OSBPL6: variants seen among roughly 807,000 people sequenced by gnomAD.
OSBPL6 encodes oxysterol-binding protein-related protein 6.
Under a neutral mutation model 125.8 loss-of-function variants are expected in OSBPL6, and 49 were observed. The ratio of observed to expected loss-of-function variants is 0.39; its 90% CI spans 0.31 to 0.49. OSBPL6 has a LOEUF of 0.49. Ranked by LOEUF, OSBPL6 falls within the 20% of genes least tolerant of loss-of-function variation. OSBPL6 has a pLI of 0.88. For missense variants in OSBPL6, 986 were observed against 1,135.4 expected, an observed-to-expected ratio of 0.87 and a Z score of 1.89; for synonymous variants, 394 against 391.8, an observed-to-expected ratio of 1.01 and a Z score of -0.07.
At chr2:178,225,302 A>C (rs1207331365) in intron 1 of OSBPL6, among the ~76,000 whole-genome samples, 1 of 152,144 alleles carries the variant, frequency 6.6e-6, no homozygotes, top group Non-Finnish European at 1.5e-5. Flanking sequence ...CACTGCTGAA[A>C]TACTCAGAAC....
intron 20 of OSBPL6, among the ~76,000 whole-genome samples, chr2:178,387,498 A>G (rs1016071367): frequency 6.6e-6 from 1 of 152,204 alleles, no homozygotes; most frequent in Non-Finnish European, 1.5e-5. Context: ...GGAGTATTTT[A>G]TCAAAGAAGA....
chr2:178,281,256 G>A (rs1225804149), intron 1 of OSBPL6, among the ~76,000 whole-genome samples: 10 of 152,040 alleles, frequency 6.6e-5, no homozygotes, highest in South Asian at 2.1e-4. Context: ...CAGGTGATCC[G>A]CCTGCCTCGG....
chr2:178,400,998 AT>A lies in OSBPL6; in HGVS notation c.*5442del, dbSNP rs1559341950. ...TTTCCCCCAAAAATGAAAAAAAATT[AT>A]TTAAAAAATTTAGATTTGAAATGCT... On this transcript the variant is annotated 3_prime_UTR_variant, in exon 25 of 25. Transcript: ENST00000190611. 1 of 152,228 alleles carries A rather than the reference AT, an allele frequency of 6.6e-6. No homozygotes were observed. The highest frequency in any genetic ancestry group is 1.5e-5 in the Non-Finnish European group (1 of 68,026). The allele number at this position is 152,228 out of a possible 1,614,324, so 9.4% of individuals were successfully genotyped here.
chr2:178,373,891 C>G lies in OSBPL6; in HGVS notation c.1397C>G (p.Ala466Gly), dbSNP rs781773386. ...ACTGTATGCTTCTGTCTTCTGCAGGCTGGTGAGCAAATCCATGTCAGTCTC... is the reference window on the plus strand; with the variant it reads ...ACTGTATGCTTCTGTCTTCTGCAGGGTGGTGAGCAAATCCATGTCAGTCTC... ...SVNIIPSPDEAGEQIHVSLPL... is the reference protein window; with the variant it reads ...SVNIIPSPDEGGEQIHVSLPL... The change falls in exon 15 of 25, where the codon GCT becomes GGT. Residue 466 changes from alanine to glycine, a missense_variant and splice_region_variant. Transcript: ENST00000190611. The G allele has an allele frequency of 1.2e-6, 2 of 1,613,978 alleles. No homozygotes were observed. Among genetic ancestry groups the G allele is most frequent in the South Asian group, 2.2e-5 (2 of 91,052 alleles).
At chr2:178,356,488 A>G (rs547177712) in intron 12 of OSBPL6, among the ~76,000 whole-genome samples, 1 of 152,322 alleles carries the variant, frequency 6.6e-6, no homozygotes. Context: ...CCCATTCACA[A>G]TTGCTTCAAA....
intron 19 of OSBPL6, among the ~76,000 whole-genome samples, chr2:178,385,858 G>T (rs76786892): frequency 0.052 from 7,910 of 152,110 alleles, 325 homozygotes; most frequent in East Asian, 0.19. Context: ...TTGGTTCTTC[G>T]GGGTGTGCAA....
intron 1 of OSBPL6, among the ~76,000 whole-genome samples, chr2:178,277,364 G>A (rs759382515): frequency 1.3e-5 from 2 of 152,072 alleles, no homozygotes; most frequent in Non-Finnish European, 2.9e-5. Context: ...ATTTTTGTCA[G>A]CATTAACAAT....
intron 10 of OSBPL6, 81 bp downstream of exon 10, chr2:178,339,175 G>A: frequency 2.6e-6 from 2 of 771,560 alleles, no homozygotes; most frequent in Non-Finnish European, 2.0e-6. Flanking sequence ...GAATATATAA[G>A]GTAACATTTA....
Position 178,318,026 on chromosome 2 carries a change from T to G in OSBPL6, c.103-6151T>G, listed in dbSNP as rs1256992049. Among the ~76,000 whole-genome samples the G allele has an allele frequency of 2.0e-5, 3 of 152,204 alleles. No homozygotes were observed. In the East Asian group the frequency reaches 5.8e-4, roughly 29 times the overall value. ...GCTGTGGTTTCCTCTGATTTAGTTATGCTGTTGAGTGTTATGAGTACAGAA... is the reference window on the plus strand; with the variant it reads ...GCTGTGGTTTCCTCTGATTTAGTTAGGCTGTTGAGTGTTATGAGTACAGAA... On this transcript the variant is annotated intron_variant, in intron 3 of 24. Transcript: ENST00000190611.
chr2:178,198,716 T>C (rs886508646), intron 1 of OSBPL6, among the ~76,000 whole-genome samples: 10 of 152,100 alleles, frequency 6.6e-5, no homozygotes, highest in Admixed American at 6.5e-4. Flanking sequence ...TTATCTGTAA[T>C]GTGGACGTAC....
At position 178,209,677 on chromosome 2, in the gene OSBPL6, AT is replaced by A. The variant is rs927601786; in HGVS notation, c.-351+15006del. On this transcript the variant is annotated intron_variant, in intron 1 of 24. Coordinates refer to ENST00000190611, the MANE Select transcript of OSBPL6 (RefSeq NM_032523.4). ...TAAGAGTGAGTCCCCAAGGGAGCTG[AT>A]TTGAGAGCTTCAAGCACTCAAGTGG... Among the ~76,000 whole-genome samples, 94 of 151,958 alleles carry A rather than the reference AT, an allele frequency of 6.2e-4. 1 individual carries two copies. Among genetic ancestry groups the A allele is most frequent in the African/African-American group, 2.1e-3 (89 of 41,500 alleles).
chr2:178,304,056 T>G (rs1323845626), intron 2 of OSBPL6, among the ~76,000 whole-genome samples: 1 of 152,200 alleles, frequency 6.6e-6, no homozygotes, highest in Non-Finnish European at 1.5e-5. Flanking sequence ...GAACATAAAT[T>G]TCTTTCTCAC....
intron 10 of OSBPL6, among the ~76,000 whole-genome samples, 182 bp downstream of exon 10, chr2:178,339,276 A>G (rs1187007610): frequency 6.6e-6 from 1 of 151,286 alleles, no homozygotes; most frequent in Non-Finnish European, 1.5e-5. Flanking sequence ...TAAGATGATT[A>G]TTTTAAAACA....
chr2:178,265,926 A>G lies in OSBPL6; in HGVS notation c.-350-19001A>G, dbSNP rs1448070104. ...AAATCACAGAAATCTCTAATTGCAA[A>G]CTGTGATAAATGCTGAAACAAAAAT... On this transcript the variant is annotated intron_variant, in intron 1 of 24. Coordinates refer to ENST00000190611, the MANE Select transcript of OSBPL6 (RefSeq NM_032523.4). Among the ~76,000 whole-genome samples the G allele has an allele frequency of 6.6e-5, 10 of 152,194 alleles. No homozygotes were observed. The East Asian group carries it at 1.7e-3, about 26-fold the overall frequency.
intron 1 of OSBPL6, among the ~76,000 whole-genome samples, chr2:178,235,398 CTTTTTTTTTTTTTT>C (rs540269327): frequency 1.0e-4 from 8 of 78,040 alleles, no homozygotes; most frequent in Non-Finnish European, 1.5e-4. Context: ...CTTTTCTTTT[CTTTTTTTTTTTTTT>C]TTTTTTTTTT....
intron 3 of OSBPL6, among the ~76,000 whole-genome samples, chr2:178,311,890 T>C (rs1659333262): frequency 6.6e-6 from 1 of 152,056 alleles, no homozygotes; most frequent in South Asian, 2.1e-4. Flanking sequence ...AAGCAGAGAG[T>C]TGGGAGCATT....
At chr2:178,265,110 G>A (rs1374776524) in intron 1 of OSBPL6, among the ~76,000 whole-genome samples, 1 of 143,444 alleles carries the variant, frequency 7.0e-6, no homozygotes, top group African/African-American at 2.6e-5. Flanking sequence ...TTTAACTCCT[G>A]GTCTCAAGCA....
chr2:178,259,514 G>A (rs954487326), intron 1 of OSBPL6, among the ~76,000 whole-genome samples: 4 of 152,120 alleles, frequency 2.6e-5, no homozygotes, highest in Non-Finnish European at 5.9e-5. Context: ...CTCAACAGTC[G>A]AATTGGATCC....
intron 1 of OSBPL6, among the ~76,000 whole-genome samples, chr2:178,205,381 T>C (rs754701482): frequency 5.9e-5 from 9 of 152,248 alleles, no homozygotes; most frequent in Admixed American, 1.3e-4. Context: ...CAAGGGAGCC[T>C]GTAGTTAGCC....
Sources: allele counts gnomAD v4.1 joint callset (sites outside exome capture counted in the v4.1 genomes callset), GRCh38; gene constraint gnomAD v4.1.1; transcripts MANE v1.5; gene names NCBI Gene and HGNC (gene_info 2026-07-23, HGNC 2026-07-21).